Variants in NDUFA10 observed in about 807,000 individuals in gnomAD.
NDUFA10 encodes NADH dehydrogenase [ubiquinone] 1 alpha subcomplex subunit 10, mitochondrial.
In NDUFA10, 40 loss-of-function variants were observed where a neutral mutation model predicts 47.8. That is an observed-to-expected ratio of 0.84 (90% CI 0.65 to 1.09). NDUFA10 has a LOEUF of 1.09. Ranked by LOEUF, NDUFA10 falls within the 50% of genes least tolerant of loss-of-function variation. NDUFA10 has a pLI of 0.00. For synonymous variants in NDUFA10, 183 were observed against 172.2 expected (o/e 1.06, Z -0.49); for missense variants, 413 against 451.1 (o/e 0.92, Z 0.76).
chr2:240,022,455 C>G (rs1176171464), intron 1 of NDUFA10, 115 bp from the exon 2 acceptor site: 8 of 1,448,064 alleles, frequency 5.5e-6, no homozygotes, highest in Non-Finnish European at 6.6e-6. Flanking sequence ...ATGCCAACAT[C>G]TACATCTTTA....
intron 4 of NDUFA10, among the ~76,000 whole-genome samples, chr2:239,921,951 T>A (rs1693993328): frequency 6.7e-6 from 1 of 149,632 alleles, no homozygotes; most frequent in Non-Finnish European, 1.5e-5. Flanking sequence ...TTTCCTTTCC[T>A]CCTCCCCTCC....
intron 9 of NDUFA10, among the ~76,000 whole-genome samples, chr2:239,962,558 C>G (rs1694899934): frequency 6.6e-6 from 1 of 152,240 alleles, no homozygotes; most frequent in African/African-American, 2.4e-5. Flanking sequence ...CTCTCCTCTC[C>G]TAGGTGCACA....
rs577362515 is a variant in NDUFA10 at position 239,924,021 on chromosome 2, T to C, written c.295-28707A>G. 2.6e-5 allele frequency among the ~76,000 whole-genome samples: 4 copies of C among 152,266 alleles called. No homozygotes were observed. The East Asian group carries it at 5.8e-4, about 22-fold the overall frequency. ...TGACATGGATCAATTACTTGAAAACTACAGCTCATCCAATATAAAATGCAT... is the reference window on the plus strand; with the variant it reads ...TGACATGGATCAATTACTTGAAAACCACAGCTCATCCAATATAAAATGCAT... On this transcript the variant is annotated intron_variant, in intron 4 of 5. Coordinates refer to the NDUFA10 transcript ENST00000419408.
chr2:239,898,953 GGGTGTGGCAGGGTGT>G (rs1297932805), intron 4 of NDUFA10, among the ~76,000 whole-genome samples: 2,271 of 141,460 alleles, frequency 0.016, 46 homozygotes, highest in Non-Finnish European at 0.023. Flanking sequence ...GGGTGTGGAG[GGGTGTGGCAGGGTGT>G]GATGAAGAGG....
chr2:239,980,770 A>T (rs1207067191), intron 9 of NDUFA10, among the ~76,000 whole-genome samples: 1 of 152,206 alleles, frequency 6.6e-6, no homozygotes, highest in East Asian at 1.9e-4. Context: ...CAGAGTGGTG[A>T]GCTGAAGCCG....
intron 6 of NDUFA10, among the ~76,000 whole-genome samples, chr2:240,007,844 G>A (rs1447968955): frequency 6.6e-6 from 1 of 151,772 alleles, no homozygotes; most frequent in Admixed American, 6.6e-5. Flanking sequence ...CACAGGCAGA[G>A]GGCATCTTTA....
At chr2:239,994,100 G>A (rs1385381748) in intron 8 of NDUFA10, among the ~76,000 whole-genome samples, 6 of 152,072 alleles carry the variant, frequency 3.9e-5, no homozygotes, top group East Asian at 1.9e-4. Flanking sequence ...AATTATTTCC[G>A]AAACACCTTC....
At chr2:239,929,553 G>A (rs1369778613) in intron 4 of NDUFA10, among the ~76,000 whole-genome samples, 1 of 152,096 alleles carries the variant, frequency 6.6e-6, no homozygotes, top group Non-Finnish European at 1.5e-5. Context: ...CCCGGGAAGT[G>A]CGGCAGCCCT....
chr2:240,007,178 G>C (rs1696977867), intron 7 of NDUFA10, 138 bp downstream of exon 7: 3 of 706,334 alleles, frequency 4.2e-6, no homozygotes, highest in Middle Eastern at 3.8e-4. Context: ...TGATGGGTTT[G>C]ACTGGCACTG....
At chr2:239,895,082 C>G (rs1479513024) in intron 5 of NDUFA10, 2 of 262,592 alleles carry the variant, frequency 7.6e-6, no homozygotes, top group African/African-American at 2.3e-5. Flanking sequence ...CTTTCAGTGC[C>G]CTGTAGAGAA....
At chr2:239,955,929 T>C (rs1231366370), downstream of NDUFA10, among the ~76,000 whole-genome samples, 1 of 152,000 alleles carries the variant, frequency 6.6e-6, no homozygotes, top group Non-Finnish European at 1.5e-5. Context: ...CGGCGCAGGC[T>C]CTGTGTCGAG....
downstream of NDUFA10, among the ~76,000 whole-genome samples, chr2:239,954,507 C>A (rs1435931217): frequency 6.6e-6 from 1 of 152,264 alleles, no homozygotes. Context: ...CCCTGACAAC[C>A]AGCTTTCTGA....
intron 8 of NDUFA10, among the ~76,000 whole-genome samples, chr2:239,991,304 G>A (rs563729560): frequency 1.2e-4 from 18 of 152,282 alleles, no homozygotes; most frequent in African/African-American, 4.1e-4. Context: ...GCTCATACAC[G>A]GTTAGTGATC....
chr2:239,956,665 C>G (rs1041045718), downstream of NDUFA10, among the ~76,000 whole-genome samples: 1 of 152,194 alleles, frequency 6.6e-6, no homozygotes, highest in Non-Finnish European at 1.5e-5. Context: ...CCTGTCACAG[C>G]CACCTTTCTG....
intron 4 of NDUFA10, among the ~76,000 whole-genome samples, chr2:239,932,591 T>C (rs1574787490): frequency 6.6e-6 from 1 of 152,176 alleles, no homozygotes; most frequent in East Asian, 1.9e-4. Flanking sequence ...GAATTTTTTT[T>C]TTTTTTGAGA....
At chr2:239,944,873 G>A (rs907757560) in intron 4 of NDUFA10, among the ~76,000 whole-genome samples, 15 of 152,098 alleles carry the variant, frequency 9.9e-5, no homozygotes, top group South Asian at 2.1e-4. Context: ...CGGCCAACCC[G>A]CCACCATCCG....
intron 9 of NDUFA10, among the ~76,000 whole-genome samples, chr2:239,977,266 G>GT: frequency 6.6e-6 from 1 of 152,296 alleles, no homozygotes; most frequent in African/African-American, 2.4e-5. Context: ...GCAGGTGCAG[G>GT]TGGGCGAGCA....
At chr2:239,956,192 A>C (rs954186041), downstream of NDUFA10, among the ~76,000 whole-genome samples, 3 of 152,152 alleles carry the variant, frequency 2.0e-5, no homozygotes, top group Non-Finnish European at 4.4e-5. Flanking sequence ...CTGCGTCCCC[A>C]GGGGCTCCAG....
chr2:239,916,266 AAC>A (rs1192726456), intron 4 of NDUFA10, among the ~76,000 whole-genome samples: 29 of 138,424 alleles, frequency 2.1e-4, no homozygotes, highest in Non-Finnish European at 3.9e-4. Context: ...ACACACACAG[AAC>A]ACACACACAT....
Sources: allele counts gnomAD v4.1 joint callset (sites outside exome capture counted in the v4.1 genomes callset), GRCh38; gene constraint gnomAD v4.1.1; transcripts MANE v1.5; gene names NCBI Gene and HGNC (gene_info 2026-07-23, HGNC 2026-07-21).